Variants in ADGRL2 observed in about 807,000 individuals in gnomAD.
ADGRL2 encodes calcium-independent alpha-latrotoxin receptor 2.
ADGRL2 carries 44 observed loss-of-function variants against 157.4 expected under a neutral mutation model. The observed-to-expected ratio is 0.28, with a 90% confidence interval of 0.22 to 0.36. The LOEUF is 0.36. Ranked by LOEUF, ADGRL2 falls within the 10% of genes least tolerant of loss-of-function variation. ADGRL2 has a pLI of 1.00. For missense variants in ADGRL2, 1,510 were observed against 1,768.9 expected (o/e 0.85, Z 2.63); for synonymous variants, 585 against 624.7 (o/e 0.94, Z 0.95).
At chr1:81,568,839 T>A (rs1325135980) in intron 2 of ADGRL2, among the ~76,000 whole-genome samples, 1 of 152,146 alleles carries the variant, frequency 6.6e-6, no homozygotes, top group Non-Finnish European at 1.5e-5. Context: ...CCCAAGAACA[T>A]TTTTACCTAT....
chr1:81,694,947 C>T (rs1336919935), upstream of ADGRL2, among the ~76,000 whole-genome samples: 1 of 152,076 alleles, frequency 6.6e-6, no homozygotes, highest in Non-Finnish European at 1.5e-5. Context: ...GTGTTATACT[C>T]TCCATTTGAA....
chr1:81,950,477 C>T lies in ADGRL2; in HGVS notation c.1499C>T (p.Thr500Ile), dbSNP rs764247248. The change falls in exon 7 of 24, where the codon ACA becomes ATA. Residue 500 changes from threonine (T) to isoleucine (I), a missense_variant. Physicochemically the swap from Thr to Ile is moderately conservative, Grantham distance 89. This residue lies in a region of ADGRL2 where 325 missense variants were observed against 333.2 expected (regional missense o/e 0.98). Transcript: ENST00000686636. The stretch of plus-strand genomic sequence containing the variant: ...GTTGAACGACCATGCCCTAAGGGAA[C>T]AAGAGGTATTTTCTATAAACTACCA... ...MMVERPCPKG[T>I]RGTASYLCMI... 1.2e-6 allele frequency: 2 copies of T among 1,611,224 alleles called. No homozygotes were observed. Among genetic ancestry groups the T allele is most frequent in the East Asian group, 4.5e-5 (2 of 44,860 alleles).
At chr1:81,716,035 G>A (rs2084105970) in intron 1 of ADGRL2, among the ~76,000 whole-genome samples, 1 of 152,198 alleles carries the variant, frequency 6.6e-6, no homozygotes, top group Non-Finnish European at 1.5e-5. Flanking sequence ...AATGGGGCAA[G>A]GGCAGAGAGA....
At chr1:81,454,447 T>C (rs1026654460) in intron 2 of ADGRL2, among the ~76,000 whole-genome samples, 14 of 152,302 alleles carry the variant, frequency 9.2e-5, no homozygotes, top group African/African-American at 2.9e-4. Flanking sequence ...TTTTATATCT[T>C]TAATAACCAC....
At chr1:81,664,464 A>G (rs1411467519) in intron 3 of ADGRL2, among the ~76,000 whole-genome samples, 2 of 152,184 alleles carry the variant, frequency 1.3e-5, no homozygotes, top group Admixed American at 1.3e-4. Context: ...TGAAACAATC[A>G]GTGACATTTC....
upstream of ADGRL2, chr1:81,306,150 G>A (rs950942233): frequency 1.3e-5 from 2 of 152,152 alleles, no homozygotes; most frequent in South Asian, 2.1e-4. Flanking sequence ...CACGCTCTCC[G>A]ATCTCGTGTC....
chr1:81,954,725 A>G (rs1277539338), intron 10 of ADGRL2, among the ~76,000 whole-genome samples: 1 of 152,184 alleles, frequency 6.6e-6, no homozygotes, highest in Non-Finnish European at 1.5e-5. Context: ...TCCACCTGCC[A>G]GGAAGGTCGT....
At chr1:81,808,598 T>C (rs928874345) in intron 1 of ADGRL2, among the ~76,000 whole-genome samples, 1 of 152,122 alleles carries the variant, frequency 6.6e-6, no homozygotes, top group African/African-American at 2.4e-5. Flanking sequence ...TTATTATCAG[T>C]TGATATTTTA....
At chr1:81,661,790 G>A (rs2082655582) in intron 3 of ADGRL2, among the ~76,000 whole-genome samples, 1 of 152,180 alleles carries the variant, frequency 6.6e-6, no homozygotes, top group South Asian at 2.1e-4. Context: ...AAATCATAGG[G>A]TCACCATATG....
intron 3 of ADGRL2, among the ~76,000 whole-genome samples, chr1:81,675,325 T>C (rs1053928133): frequency 6.6e-6 from 1 of 152,156 alleles, no homozygotes; most frequent in Non-Finnish European, 1.5e-5. Context: ...TACTGAAAAA[T>C]TGAAAGTCAA....
chr1:81,545,288 CT>C (rs57690437), intron 2 of ADGRL2, among the ~76,000 whole-genome samples: 39,831 of 141,746 alleles, frequency 0.28, 5,268 homozygotes, highest in Non-Finnish European at 0.3. Context: ...ACTGACTGAA[CT>C]TTTTTTTTTT....
chr1:81,610,213 G>A (rs1239828892), intron 3 of ADGRL2, among the ~76,000 whole-genome samples: 1 of 146,208 alleles, frequency 6.8e-6, no homozygotes, highest in Non-Finnish European at 1.5e-5. Flanking sequence ...AAACAAAACA[G>A]GTTAGTGGCT....
At chr1:81,965,615 GTACT>G (rs1656821641) in intron 11 of ADGRL2, among the ~76,000 whole-genome samples, 1 of 152,156 alleles carries the variant, frequency 6.6e-6, no homozygotes, top group South Asian at 2.1e-4. Flanking sequence ...ATTCAAATTT[GTACT>G]TCATATTAGT....
intron 1 of ADGRL2, among the ~76,000 whole-genome samples, chr1:81,374,578 G>GAAAAACAAAAAACAAA (rs1553158620): frequency 1.5e-5 from 2 of 130,256 alleles, no homozygotes; most frequent in Non-Finnish European, 3.1e-5. Flanking sequence ...TCTCAAAAAA[G>GAAAAACAAAAAACAAA]AAAAAAAAAA....
chr1:81,756,625 G>C (rs2085699929), intron 1 of ADGRL2, among the ~76,000 whole-genome samples: 2 of 152,124 alleles, frequency 1.3e-5, no homozygotes, highest in Admixed American at 1.3e-4. Context: ...TTTGTAGTTT[G>C]AAACAGATGA....
chr1:81,853,600 C>T (rs2093095167), intron 2 of ADGRL2, among the ~76,000 whole-genome samples: 1 of 152,032 alleles, frequency 6.6e-6, no homozygotes, highest in South Asian at 2.1e-4. Flanking sequence ...TTATGATTTG[C>T]AACCTATGTG....
intron 3 of ADGRL2, among the ~76,000 whole-genome samples, chr1:81,632,008 A>G (rs1366300125): frequency 6.6e-6 from 1 of 152,198 alleles, no homozygotes; most frequent in Non-Finnish European, 1.5e-5. Flanking sequence ...ATTATATAGC[A>G]TTCTATAGCC....
intron 2 of ADGRL2, among the ~76,000 whole-genome samples, chr1:81,837,890 T>C (rs2150215206): frequency 6.6e-6 from 1 of 152,074 alleles, no homozygotes; most frequent in East Asian, 1.9e-4. Flanking sequence ...TTATAGCTAG[T>C]TGATAGTGGC....
At chr1:81,346,235 T>C (rs2100800461) in intron 1 of ADGRL2, among the ~76,000 whole-genome samples, 1 of 152,294 alleles carries the variant, frequency 6.6e-6, no homozygotes, top group East Asian at 1.9e-4. Context: ...AAATGAAAAT[T>C]ATCCATTATG....
Sources: allele counts gnomAD v4.1 joint callset (sites outside exome capture counted in the v4.1 genomes callset), GRCh38; gene constraint gnomAD v4.1.1; regional missense constraint gnomAD v4.1.1; transcripts MANE v1.5; gene names NCBI Gene and HGNC (gene_info 2026-07-23, HGNC 2026-07-21).